The following KCNB2 variants were observed in gnomAD, a reference collection of about 807,000 sequenced individuals.
KCNB2 encodes the protein delayed rectifier potassium channel protein.
KCNB2 carries 15 observed loss-of-function variants against 61.5 expected under a neutral mutation model. The observed-to-expected ratio is 0.24, with a 90% CI of 0.16 to 0.38. The LOEUF is 0.38. Ranked by LOEUF, KCNB2 falls within the 10% of genes least tolerant of loss-of-function variation. KCNB2 has a pLI of 1.00. For missense variants in KCNB2, 828 were observed against 1,125.2 expected, an observed-to-expected ratio of 0.74 and a Z score of 3.78; for synonymous variants, 457 against 446.0, an observed-to-expected ratio of 1.02 and a Z score of -0.31.
intron 2 of KCNB2, among the ~76,000 whole-genome samples, chr8:72,924,914 C>T (rs79031946): frequency 0.021 from 3,267 of 152,232 alleles, 102 homozygotes; most frequent in African/African-American, 0.074. Flanking sequence ...AAGTGGATCA[C>T]GCAAGCTCTC....
intron 1 of KCNB2, among the ~76,000 whole-genome samples, chr8:72,553,154 G>A (rs1563520908): frequency 6.6e-6 from 1 of 152,088 alleles, no homozygotes; most frequent in Non-Finnish European, 1.5e-5. Flanking sequence ...CTCTTGGCTT[G>A]CTGTTTCATA....
intron 2 of KCNB2, among the ~76,000 whole-genome samples, chr8:72,632,255 G>A (rs1238314177): frequency 6.6e-6 from 1 of 151,918 alleles, no homozygotes; most frequent in East Asian, 1.9e-4. Context: ...CAAAAAAATG[G>A]GAGGGGGCAA....
chr8:72,830,079 G>A (rs913366076), intron 2 of KCNB2, among the ~76,000 whole-genome samples: 4 of 151,524 alleles, frequency 2.6e-5, no homozygotes, highest in East Asian at 1.9e-4. Flanking sequence ...CTTCAAAATC[G>A]TATTTCTTCT....
intron 2 of KCNB2, among the ~76,000 whole-genome samples, chr8:72,631,647 A>G (rs947717061): frequency 4.6e-5 from 7 of 152,244 alleles, no homozygotes; most frequent in Non-Finnish European, 1.0e-4. Context: ...GGGAGGACAC[A>G]ATTCAACCCA....
intron 1 of KCNB2, among the ~76,000 whole-genome samples, chr8:72,541,178 AT>A (rs1806183033): frequency 6.6e-6 from 1 of 151,726 alleles, no homozygotes; most frequent in Non-Finnish European, 1.5e-5. Flanking sequence ...AACAATAAAA[AT>A]AATAGTAATA....
At chr8:72,847,874 CATT>C (rs1406819039) in intron 2 of KCNB2, among the ~76,000 whole-genome samples, 5 of 152,270 alleles carry the variant, frequency 3.3e-5, no homozygotes, top group African/African-American at 1.2e-4. Flanking sequence ...TTCCCCAACT[CATT>C]ATAAATAGCC....
At chr8:72,725,581 ATATATGTATG>A (rs1241417108) in intron 2 of KCNB2, among the ~76,000 whole-genome samples, 50 of 90,324 alleles carry the variant, frequency 5.5e-4, no homozygotes, top group African/African-American at 2.7e-3. Context: ...ATATGTATAT[ATATATGTATG>A]TATATATATA....
At chr8:72,882,899 T>A (rs1805741024) in intron 2 of KCNB2, among the ~76,000 whole-genome samples, 1 of 152,168 alleles carries the variant, frequency 6.6e-6, no homozygotes, top group African/African-American at 2.4e-5. Context: ...AATTGGAAAA[T>A]CTGATGACAC....
At chr8:72,794,831 A>G (rs192471832) in intron 2 of KCNB2, among the ~76,000 whole-genome samples, 4 of 152,326 alleles carry the variant, frequency 2.6e-5, no homozygotes, top group Admixed American at 1.3e-4. Flanking sequence ...GAGATGGCTT[A>G]AGAGTATCTG....
At chr8:72,934,141 G>T (rs1004353898) in intron 2 of KCNB2, among the ~76,000 whole-genome samples, 1 of 152,070 alleles carries the variant, frequency 6.6e-6, no homozygotes, top group Non-Finnish European at 1.5e-5. Context: ...AGCACTTTGG[G>T]AGGCCGAAGC....
chr8:72,635,571 A>G (rs1805951607), intron 2 of KCNB2, among the ~76,000 whole-genome samples: 1 of 152,122 alleles, frequency 6.6e-6, no homozygotes, highest in Non-Finnish European at 1.5e-5. Context: ...TTAGTGGGAA[A>G]TGTTCCTAGG....
At chr8:72,831,111 G>A (rs974537762) in intron 2 of KCNB2, among the ~76,000 whole-genome samples, 20 of 152,214 alleles carry the variant, frequency 1.3e-4, no homozygotes, top group African/African-American at 4.6e-4. Flanking sequence ...GCCTCATGCC[G>A]TGGGTAGTCA....
At chr8:72,804,496 G>A (rs907641856) in intron 2 of KCNB2, among the ~76,000 whole-genome samples, 12 of 152,186 alleles carry the variant, frequency 7.9e-5, no homozygotes, top group Non-Finnish European at 1.6e-4. Flanking sequence ...TAAATCTTGT[G>A]CTGATGAAGA....
chr8:72,654,995 A>G (rs989826546), intron 2 of KCNB2, among the ~76,000 whole-genome samples: 2 of 152,152 alleles, frequency 1.3e-5, no homozygotes, highest in Admixed American at 6.6e-5. Flanking sequence ...ACACTTGCAC[A>G]TGTGTTTCAT....
chr8:72,899,106 G>A lies in KCNB2; in HGVS notation c.580-36829G>A, dbSNP rs565099611. 8.3e-4 allele frequency among the ~76,000 whole-genome samples: 126 copies of A among 152,202 alleles called. 1 individual carries two copies. The highest frequency in any genetic ancestry group is 2.6e-3 in the Admixed American group (39 of 15,290). ...GTTCAACATATGCAAATCAATAAAC[G>A]TGATTCACTACTTAAGCAGAATTCA... On this transcript the variant is annotated intron_variant, in intron 2 of 2. Transcript: ENST00000523207.
chr8:72,656,032 A>C (rs982928574), intron 2 of KCNB2, among the ~76,000 whole-genome samples: 3 of 152,128 alleles, frequency 2.0e-5, no homozygotes, highest in African/African-American at 7.2e-5. Flanking sequence ...TCAGGAAGGA[A>C]GGGACATTGT....
At chr8:72,655,604 A>G (rs1158188388) in intron 2 of KCNB2, among the ~76,000 whole-genome samples, 1 of 152,132 alleles carries the variant, frequency 6.6e-6, no homozygotes, top group Non-Finnish European at 1.5e-5. Flanking sequence ...CTATAAACCA[A>G]TAGATCTAAT....
intron 2 of KCNB2, among the ~76,000 whole-genome samples, chr8:72,658,550 G>A (rs1212398092): frequency 6.6e-6 from 1 of 152,206 alleles, no homozygotes. Context: ...ATTGGTGAAG[G>A]TGGCTACACT....
intron 2 of KCNB2, among the ~76,000 whole-genome samples, chr8:72,686,681 G>T (rs1256652610): frequency 6.6e-6 from 1 of 152,144 alleles, no homozygotes; most frequent in African/African-American, 2.4e-5. Flanking sequence ...TGACCTCTCA[G>T]AAATTGTTTC....
Sources: gnomAD v4.1 joint callset for allele counts (sites outside exome capture counted in the v4.1 genomes callset) on GRCh38, gnomAD v4.1.1 for gene constraint, MANE v1.5 for transcripts, NCBI Gene and HGNC (gene_info 2026-07-23, HGNC 2026-07-21) for gene names.